Variants in PCDHGA1 observed in about 807,000 individuals in gnomAD.
PCDHGA1 encodes protocadherin gamma subfamily A, 1, also known as protocadherin gamma-A1.
PCDHGA1 carries 32 observed loss-of-function variants against 58.0 expected under a neutral mutation model. The observed-to-expected ratio is 0.55, with a 90% CI of 0.42 to 0.74. The LOEUF (loss-of-function observed/expected upper bound fraction) is 0.74. PCDHGA1 is among the 30% of genes least tolerant of loss of function. The pLI is 0.00. For missense variants in PCDHGA1, 1,205 were observed against 1,182.3 expected (o/e 1.02, Z -0.28); for synonymous variants, 498 against 501.1 (o/e 0.99, Z 0.08).
At chr5:141,384,666 C>T in intron 1 of PCDHGA1, 1 of 1,614,220 alleles carries the variant, frequency 6.2e-7, no homozygotes, top group Non-Finnish European at 8.5e-7. Flanking sequence ...ACCTGGTGAC[C>T]AAGGTGGTGG....
At chr5:141,341,145 T>C in intron 1 of PCDHGA1, 1 of 1,614,230 alleles carries the variant, frequency 6.2e-7, no homozygotes, top group South Asian at 1.1e-5. Context: ...TCACGCCTGC[T>C]GCAGGCTTCA....
At chr5:141,409,063 C>A (rs988950366) in intron 1 of PCDHGA1, 2 of 1,613,860 alleles carry the variant, frequency 1.2e-6, no homozygotes, top group African/African-American at 2.7e-5. Flanking sequence ...CTGCCCAGAG[C>A]ACAAAACATA....
chr5:141,337,815 A>G (rs1405171295), intron 1 of PCDHGA1, among the ~76,000 whole-genome samples: 3 of 152,208 alleles, frequency 2.0e-5, no homozygotes, highest in African/African-American at 7.2e-5. Context: ...ACTGCATTGT[A>G]TTTTACACCC....
chr5:141,364,895 C>T lies in PCDHGA1; in HGVS notation c.2421+31790C>T, dbSNP rs200656228. The T allele has an allele frequency of 3.7e-6, 6 of 1,613,860 alleles. No homozygotes were observed. The African/African-American group carries it at 6.7e-5, about 18-fold the overall frequency. ...GGATGTGGTAAGCGGAACTGATGGA[C>T]AAAAGTATCCGGAGCTGGTGTTGGA... On this transcript the variant is annotated intron_variant, in intron 1 of 3. Coordinates refer to ENST00000517417, the MANE Select transcript of PCDHGA1 (RefSeq NM_018912.3).
intron 1 of PCDHGA1, chr5:141,343,160 A>G (rs904100867): frequency 3.2e-6 from 1 of 317,156 alleles, no homozygotes; most frequent in Non-Finnish European, 4.6e-6. Context: ...TACTGTGTCT[A>G]TATTGTTCAC....
At position 141,491,809 on chromosome 5, in the gene PCDHGA1, C is replaced by A. The variant is rs1421763758; in HGVS notation, c.2422-2998C>A. The A allele has an allele frequency of 6.7e-7, 1 of 1,487,044 alleles. No homozygotes were observed. The highest frequency in any genetic ancestry group is 1.4e-5 in the South Asian group (1 of 72,986). The allele number at this position is 1,487,044 out of a possible 1,614,324, so 92.1% of individuals were successfully genotyped here. On this transcript the variant is annotated intron_variant, in intron 1 of 3. Coordinates refer to ENST00000517417, the MANE Select transcript of PCDHGA1 (RefSeq NM_018912.3). This position sits in a 1 kb window ranked among gnomAD's most constrained non-coding sequence, Gnocchi z 6.9. Reference sequence around the variant, plus strand: ...TCCACTCCTCTCCGGCCGGCTTGGTCGCTGGCTGCGCTCCACCCGATTCTC... The same window carrying A: ...TCCACTCCTCTCCGGCCGGCTTGGTAGCTGGCTGCGCTCCACCCGATTCTC...
At chr5:141,363,480 A>G (rs565177899) in intron 1 of PCDHGA1, among the ~76,000 whole-genome samples, 1 of 152,366 alleles carries the variant, frequency 6.6e-6, no homozygotes, top group East Asian at 1.9e-4. Flanking sequence ...GCTTTCCTGC[A>G]TGGATGATGA....
chr5:141,387,207 T>A (rs986621045), intron 1 of PCDHGA1, among the ~76,000 whole-genome samples: 1 of 152,136 alleles, frequency 6.6e-6, no homozygotes, highest in Non-Finnish European at 1.5e-5. Flanking sequence ...TTACTGATAC[T>A]CTCCGGAAAA....
rs748951693 is a variant in PCDHGA1, at chr5:141,365,805, C to T, written c.2421+32700C>T. The T allele has an allele frequency of 3.1e-6, 5 of 1,613,942 alleles. No homozygotes were observed. The South Asian group carries it at 5.5e-5, about 18-fold the overall frequency. On this transcript the variant is annotated intron_variant, in intron 1 of 3. Coordinates refer to ENST00000517417, the MANE Select transcript of PCDHGA1 (RefSeq NM_018912.3). ...AACGCTCGAGTCACCTACTCCCTGG[C>T]TGAAGACACATTTCAGGGGGCGCCC...
In PCDHGA1 at chr5:141,486,370, T is replaced by A; in HGVS notation, c.2422-8437T>A. On this transcript the variant is annotated intron_variant, in intron 1 of 3. Transcript: ENST00000517417. This position sits in a 1 kb window ranked among gnomAD's most constrained non-coding sequence, Gnocchi z 5.0. ...ACCACTTGCCATTTGCCCTCAAGTC[T>A]GCCTTCAGGAACCAGTTCTCCCTGG... 1 of 1,614,106 alleles carries A rather than the reference T, an allele frequency of 6.2e-7. No homozygotes were observed. The highest frequency in any genetic ancestry group is 8.5e-7 in the Non-Finnish European group (1 of 1,179,986).
At chr5:141,418,669 C>T (rs2096278985) in intron 1 of PCDHGA1, 1 of 1,614,018 alleles carries the variant, frequency 6.2e-7, no homozygotes, top group Non-Finnish European at 8.5e-7. Flanking sequence ...CTGACCAGGA[C>T]GAGGGCATCA....
chr5:141,429,760 C>T (rs1036499079), intron 1 of PCDHGA1, among the ~76,000 whole-genome samples: 2 of 152,020 alleles, frequency 1.3e-5, no homozygotes, highest in Non-Finnish European at 2.9e-5. Context: ...AATTTTTTCC[C>T]TATATTTTGA....
chr5:141,486,175 C>T lies in PCDHGA1; in HGVS notation c.2422-8632C>T. ...GTTCTCCAGCCATGGAGCAACATTG[C>T]AGCCTTCGAGTGGATCTGCTGGACG... On this transcript the variant is annotated intron_variant, in intron 1 of 3. Transcript: ENST00000517417. The surrounding 1 kb of genome is among the most constrained non-coding windows in gnomAD (Gnocchi z 5.0). 1 of 1,614,210 alleles carries T rather than the reference C, an allele frequency of 6.2e-7. No individual in the cohort carries two copies.
intron 1 of PCDHGA1, chr5:141,427,774 G>T: frequency 1.4e-6 from 2 of 1,420,908 alleles, no homozygotes; most frequent in Non-Finnish European, 2.0e-6. Context: ...TTGGAGCTGC[G>T]GGCACTGTCG....
intron 1 of PCDHGA1, chr5:141,403,145 C>T (rs749236674): frequency 2.5e-6 from 4 of 1,613,920 alleles, no homozygotes; most frequent in African/African-American, 1.3e-5. Flanking sequence ...GCGCCGAGTC[C>T]GCATCGTCTC....
intron 1 of PCDHGA1, chr5:141,372,749 C>T (rs1368298645): frequency 1.2e-6 from 2 of 1,613,056 alleles, no homozygotes; most frequent in Non-Finnish European, 1.7e-6. Flanking sequence ...GTGATGAAGC[C>T]TCTTGGTTTG....
chr5:141,494,929 GGA>G, intron 2 of PCDHGA1, 64 bp downstream of exon 2: 1 of 1,613,142 alleles, frequency 6.2e-7, no homozygotes, highest in Non-Finnish European at 8.5e-7. Flanking sequence ...TGACGTGGGA[GGA>G]GATGGGGGAG....
At chr5:141,389,118 C>T in intron 1 of PCDHGA1, 1 of 1,614,006 alleles carries the variant, frequency 6.2e-7, no homozygotes, top group Non-Finnish European at 8.5e-7. Context: ...AGACCGCGAG[C>T]AGAATCCAGA....
intron 1 of PCDHGA1, chr5:141,426,945 A>G: frequency 8.8e-6 from 4 of 456,724 alleles, no homozygotes; most frequent in Non-Finnish European, 1.8e-5. Context: ...CCCAGTCCCA[A>G]CTGGCACTGC....
Sources: allele counts gnomAD v4.1 joint callset (sites outside exome capture counted in the v4.1 genomes callset), GRCh38; gene constraint gnomAD v4.1.1; non-coding constraint Gnocchi (gnomAD v3.1); transcripts MANE v1.5; gene names NCBI Gene and HGNC (gene_info 2026-07-23, HGNC 2026-07-21).